FOXR1: variants seen among roughly 807,000 people sequenced by gnomAD.
FOXR1 encodes the protein forkhead box protein R1.
FOXR1 carries 25 observed loss-of-function variants against 34.5 expected under a neutral mutation model. The ratio of observed to expected loss-of-function variants is 0.72; its 90% CI spans 0.53 to 1.01. The LOEUF is 1.01. Among genes scored for constraint, FOXR1 ranks in the 50% least tolerant of loss-of-function variants. The pLI, the probability that FOXR1 is intolerant of heterozygous loss-of-function variation, is 0.00. For missense variants in FOXR1, 373 were observed against 376.2 expected, an observed-to-expected ratio of 0.99 and a Z score of 0.07; for synonymous variants, 153 against 141.6, an observed-to-expected ratio of 1.08 and a Z score of -0.57.
intron 1 of FOXR1, among the ~76,000 whole-genome samples, chr11:118,975,977 G>A (rs1441420874): frequency 6.6e-6 from 1 of 152,178 alleles, no homozygotes; most frequent in Non-Finnish European, 1.5e-5. Context: ...TCTGCCAAAC[G>A]AGTGCGCCAA....
At chr11:118,973,200 A>G (rs1565645048) in intron 1 of FOXR1, among the ~76,000 whole-genome samples, 2 of 152,128 alleles carry the variant, frequency 1.3e-5, no homozygotes, top group African/African-American at 2.4e-5. Flanking sequence ...AGCACCTCCA[A>G]CTGACCTGGC....
intron 1 of FOXR1, among the ~76,000 whole-genome samples, chr11:118,977,882 T>C (rs1170246765): frequency 6.6e-6 from 1 of 151,894 alleles, no homozygotes; most frequent in Non-Finnish European, 1.5e-5. Flanking sequence ...AACCCAGGGG[T>C]TCGAGACCAG....
At position 118,971,909 on chromosome 11, in the gene FOXR1, T is replaced by C; in HGVS notation, c.-23T>C. 6.4e-7 allele frequency: 1 copy of C among 1,554,376 alleles called. No individual in the cohort carries two copies. The highest frequency in any genetic ancestry group is 8.7e-7 in the Non-Finnish European group (1 of 1,148,326). ...TTCTGGGCCCGCCTCCATGGCCAGG[T>C]CCCGGGACTGCTGGACTGGGACATG... is the stretch of plus-strand genomic sequence containing the variant. On this transcript the variant is annotated 5_prime_UTR_variant, in exon 1 of 6. Coordinates refer to ENST00000317011, the MANE Select transcript of FOXR1 (RefSeq NM_181721.3).
At chr11:118,972,448 A>G (rs1387220930) in intron 1 of FOXR1, among the ~76,000 whole-genome samples, 1 of 151,846 alleles carries the variant, frequency 6.6e-6, no homozygotes, top group Non-Finnish European at 1.5e-5. Context: ...ACCTCTTAAC[A>G]TATTGCCTGA....
chr11:118,981,097 C>T (rs1325542681), intron 5 of FOXR1, 111 bp from the exon 6 acceptor site: 12 of 1,037,484 alleles, frequency 1.2e-5, no homozygotes, highest in Non-Finnish European at 1.7e-5. Flanking sequence ...GAAGAGGCAG[C>T]ATTTGAGCCT....
In FOXR1 at chr11:118,979,505, C is replaced by G. The variant is rs971456205; in HGVS notation, c.448C>G (p.His150Asp). The stretch of plus-strand genomic sequence containing the variant: ...CTCCTCTATGGCTCTCCCATCCCCT[C>G]ACAAAAGGGCCCCCCTCCAGAGTCG... Reference protein sequence around the residue: ...DSSSMALPSPHKRAPLQSRRL... With the variant: ...DSSSMALPSPDKRAPLQSRRL... Residue 150 changes from histidine (H) to aspartate (D), a missense_variant, in exon 4 of 6, where the codon CAC (histidine) becomes GAC (aspartate). His to Asp is a moderately conservative substitution (Grantham distance 81). Transcript: ENST00000317011. The G allele has an allele frequency of 6.2e-7, 1 of 1,613,406 alleles. No homozygotes were observed. The highest frequency in any genetic ancestry group is 1.1e-5 in the South Asian group (1 of 90,904).
intron 1 of FOXR1, among the ~76,000 whole-genome samples, chr11:118,972,210 T>G (rs957040545): frequency 1.4e-3 from 137 of 101,074 alleles, no homozygotes; most frequent in South Asian, 2.8e-3. Flanking sequence ...GTTTGGGGGG[T>G]GGGGGGGTTC....
Position 118,979,147 on chromosome 11 carries a change from C to T in FOXR1, c.327C>T (p.Ser109=). ...CAGGGGTGGAATCACTGTCCCAGTCCTCCAGCAAGCGGTCTCCCCCTCGGA... is the reference window on the plus strand; with the variant it reads ...CAGGGGTGGAATCACTGTCCCAGTCTTCCAGCAAGCGGTCTCCCCCTCGGA... ...EAAGVESLSQ[S]SSKRSPPRKR... is the part of the protein sequence containing the mutation. The change falls in exon 3 of 6, where the codon TCC becomes TCT. Residue 109 remains serine (S), a synonymous_variant. Coordinates refer to ENST00000317011, the MANE Select transcript of FOXR1 (RefSeq NM_181721.3). 1 of 1,581,776 alleles carries T rather than the reference C, an allele frequency of 6.3e-7. No individual in the cohort carries two copies. Among genetic ancestry groups the T allele is most frequent in the Non-Finnish European group, 8.6e-7 (1 of 1,165,668 alleles).
chr11:118,980,543 G>C lies in FOXR1; in HGVS notation c.665G>C (p.Arg222Pro). 1 of 1,614,244 alleles carries C rather than the reference G, an allele frequency of 6.2e-7. No homozygotes were observed. Among genetic ancestry groups the C allele is most frequent in the African/African-American group, 1.3e-5 (1 of 75,064 alleles). Residue 222 changes from arginine to proline, a missense_variant, in exon 5 of 6, where the codon CGT becomes CCT. Transcript: ENST00000317011. ...TAPEGWKNTV[R>P]HNLCFRDSFE... is the part of the protein sequence containing the mutation. ...CCGGAAGGCTGGAAGAATACTGTCCGTCACAATCTCTGTTTTCGAGACAGC... is the reference window on the plus strand; with the variant it reads ...CCGGAAGGCTGGAAGAATACTGTCCCTCACAATCTCTGTTTTCGAGACAGC...
chr11:118,979,667 C>G lies in FOXR1; in HGVS notation c.610C>G (p.Arg204Gly), dbSNP rs1341916544. The G allele has an allele frequency of 6.3e-7, 1 of 1,589,762 alleles. No homozygotes were observed. The highest frequency in any genetic ancestry group is 1.7e-5 in the Admixed American group (1 of 57,394). ...LNVQQIYSFTRKHFPFFRTAP... is the reference protein window; with the variant it reads ...LNVQQIYSFTGKHFPFFRTAP... ...CGTGCAACAGATCTACAGTTTCACT[C>G]GGTATGTGCCGGGGGCCCTGCGAGG... The change falls in exon 4 of 6, where the codon CGA becomes GGA. Residue 204 changes from arginine (R) to glycine (G), a missense_variant and splice_region_variant. Arg to Gly is a moderately radical substitution (Grantham distance 125). Transcript: ENST00000317011.
chr11:118,974,955 A>T (rs951914248), intron 1 of FOXR1, among the ~76,000 whole-genome samples: 2 of 152,186 alleles, frequency 1.3e-5, no homozygotes, highest in African/African-American at 4.8e-5. Flanking sequence ...ATCCTTAGAC[A>T]TCCAAGTAGA....
Position 118,980,635 on chromosome 11 carries a change from T to C in FOXR1, c.757T>C (p.Leu253=). The C allele has an allele frequency of 6.2e-7, 1 of 1,614,192 alleles. No homozygotes were observed. ...STRPRSCLWK[L]TEEGHRRFAE... Reference sequence around the variant, plus strand: ...ACGGCCTCGATCTTGCCTCTGGAAGTTGACCGAGGAGGGACACCGCCGCTT... The same window carrying C: ...ACGGCCTCGATCTTGCCTCTGGAAGCTGACCGAGGAGGGACACCGCCGCTT... The change falls in exon 5 of 6, where the codon TTG becomes CTG. Residue 253 remains leucine (L), a synonymous_variant. Coordinates refer to ENST00000317011, the MANE Select transcript of FOXR1 (RefSeq NM_181721.3).
chr11:118,978,175 G>A (rs1441527745), intron 1 of FOXR1, among the ~76,000 whole-genome samples: 8 of 151,504 alleles, frequency 5.3e-5, no homozygotes, highest in African/African-American at 9.7e-5. Flanking sequence ...CCAAGATCGC[G>A]CCACTACACT....
chr11:118,977,357 T>C (rs116509066), intron 1 of FOXR1, among the ~76,000 whole-genome samples: 1,569 of 152,250 alleles, frequency 0.01, 36 homozygotes, highest in African/African-American at 0.035. Context: ...TGCTATAATA[T>C]GTGCATAAAA....
intron 1 of FOXR1, among the ~76,000 whole-genome samples, chr11:118,976,233 T>C (rs1941778964): frequency 6.6e-6 from 1 of 152,238 alleles, no homozygotes; most frequent in South Asian, 2.1e-4. Context: ...TCTGGCTTTG[T>C]TGCCCAAGCT....
intron 4 of FOXR1, 141 bp from the exon 5 acceptor site, chr11:118,980,349 A>G (rs1271772237): frequency 1.0e-6 from 1 of 954,486 alleles, no homozygotes; most frequent in African/African-American, 1.6e-5. Context: ...CTCAGTTAGC[A>G]AAGAGCAACT....
rs894641398 is a variant in FOXR1 at position 118,980,401 on chromosome 11, AGCCCCTG to A, written c.612-80_612-74del. 5 of 1,453,552 alleles carry A rather than the reference AGCCCCTG, an allele frequency of 3.4e-6. No individual in the cohort carries two copies. The African/African-American group carries it at 7.0e-5, about 20-fold the overall frequency. 90.0% of individuals were successfully genotyped at this position (1,453,552 alleles called of 1,614,324 possible). A position where few individuals can be genotyped will look rare whatever the true frequency, so the allele number is the denominator to read the frequency against. On this transcript the variant is annotated intron_variant, in intron 4 of 5. Coordinates refer to ENST00000317011, the MANE Select transcript of FOXR1 (RefSeq NM_181721.3). ...CTATCCCCCTGGAGAGAAGGGCTAA[AGCCCCTG>A]GCCCCTGGGTAGAACATGCCCCAGA...
intron 1 of FOXR1, among the ~76,000 whole-genome samples, chr11:118,976,478 A>G (rs947042305): frequency 4.5e-4 from 69 of 152,266 alleles, no homozygotes; most frequent in African/African-American, 1.6e-3. Context: ...CTGGGATTAC[A>G]GGCATGAGCC....
rs1941826309 is a variant in FOXR1, at chr11:118,979,573, C to A, written c.516C>A (p.Ser172=). The A allele has an allele frequency of 6.2e-7, 1 of 1,613,140 alleles. No individual in the cohort carries two copies. Reference sequence around the variant, plus strand: ...GCAGCCAGGCGGGGAGGCTCTGGTCCCGGCCCCCTCTCAATTACTTCCACC... The same window carrying A: ...GCAGCCAGGCGGGGAGGCTCTGGTCACGGCCCCCTCTCAATTACTTCCACC... ...QASSQAGRLW[S]RPPLNYFHLI... Residue 172 remains serine, a synonymous_variant, in exon 4 of 6, where the codon TCC becomes TCA. Transcript: ENST00000317011.
Sources: allele counts gnomAD v4.1 joint callset (sites outside exome capture counted in the v4.1 genomes callset), GRCh38; gene constraint gnomAD v4.1.1; transcripts MANE v1.5; gene names NCBI Gene and HGNC (gene_info 2026-07-23, HGNC 2026-07-21).